TAF3: variants seen among roughly 807,000 people sequenced by gnomAD.
TAF3 encodes transcription initiation factor TFIID subunit 3.
Under a neutral mutation model 80.6 loss-of-function variants are expected in TAF3, and 7 were observed. The ratio of observed to expected loss-of-function variants is 0.09; its 90% CI spans 0.05 to 0.16. The LOEUF is 0.16. Among genes scored for constraint, TAF3 ranks in the 10% least tolerant of loss-of-function variants. The pLI is 1.00. For missense variants in TAF3, 921 were observed against 1,140.2 expected (o/e 0.81, Z 2.77); for synonymous variants, 444 against 446.1 (o/e 1.00, Z 0.06).
At chr10:7,999,757 C>G (rs1831925380) in intron 4 of TAF3, among the ~76,000 whole-genome samples, 1 of 151,990 alleles carries the variant, frequency 6.6e-6, no homozygotes, top group Admixed American at 6.6e-5. Context: ...GTGCCCAGCC[C>G]AAATGTATTA....
chr10:8,009,110 C>G lies in TAF3; in HGVS notation c.2348C>G (p.Ala783Gly), dbSNP rs1355483061. ...VISKVVPAPE[A>G]KPAPSQNRPK... ...AGCAAGGTGGTCCCTGCCCCCGAGG[C>G]CAAGCCGGCGCCCTCGCAGAACAGG... The change falls in exon 5 of 7, where the codon GCC (alanine) becomes GGC (glycine). Residue 783 changes from alanine (A) to glycine (G), a missense_variant. This residue lies in a region of TAF3 where 743 missense variants were observed against 821.0 expected (regional missense o/e 0.90). Transcript: ENST00000344293. This position sits in a 1 kb window ranked among gnomAD's most constrained non-coding sequence, Gnocchi z 4.1. The G allele has an allele frequency of 1.9e-6, 3 of 1,601,604 alleles. No homozygotes were observed. The highest frequency in any genetic ancestry group is 2.6e-6 in the Non-Finnish European group (3 of 1,174,834).
At chr10:7,929,969 A>G (rs1837853378) in intron 2 of TAF3, among the ~76,000 whole-genome samples, 1 of 152,192 alleles carries the variant, frequency 6.6e-6, no homozygotes, top group South Asian at 2.1e-4. Context: ...TGGGAGGCCA[A>G]GGTGGAAGGA....
At chr10:7,931,973 G>A (rs1837873196) in intron 2 of TAF3, among the ~76,000 whole-genome samples, 1 of 152,098 alleles carries the variant, frequency 6.6e-6, no homozygotes, top group African/African-American at 2.4e-5. Context: ...CTAGAGATAC[G>A]CAACCAGAAT....
At chr10:7,936,618 C>T (rs1219420565) in intron 2 of TAF3, among the ~76,000 whole-genome samples, 2 of 152,064 alleles carry the variant, frequency 1.3e-5, no homozygotes, top group East Asian at 1.9e-4. Context: ...ACAGCCTCCC[C>T]CACTATCAAC....
chr10:7,918,483 A>C (rs1211810803), intron 2 of TAF3, among the ~76,000 whole-genome samples: 3 of 152,122 alleles, frequency 2.0e-5, no homozygotes, highest in Non-Finnish European at 2.9e-5. Flanking sequence ...AGAGACTGTG[A>C]GCTAGTTCAA....
At position 8,014,784 on chromosome 10, in the gene TAF3, GCC is replaced by G. The variant is rs752973634; in HGVS notation, c.*35_*36del. 1.3e-6 allele frequency: 2 copies of G among 1,542,738 alleles called. No individual in the cohort carries two copies. Among genetic ancestry groups the G allele is most frequent in the Non-Finnish European group, 1.8e-6 (2 of 1,142,510 alleles). On this transcript the variant is annotated 3_prime_UTR_variant, in exon 7 of 7. Coordinates refer to ENST00000344293, the MANE Select transcript of TAF3 (RefSeq NM_031923.4). The stretch of plus-strand genomic sequence containing the variant: ...CGAGGGGCTGGACCAAGCGGGGTCA[GCC>G]CGGGCTTCTTCCCTGGCGCCTCTGG...
intron 2 of TAF3, among the ~76,000 whole-genome samples, chr10:7,825,485 C>T (rs1274460903): frequency 1.3e-5 from 2 of 152,200 alleles, no homozygotes; most frequent in Non-Finnish European, 2.9e-5. Context: ...TTAAACATAA[C>T]TCCCCATTCT....
intron 2 of TAF3, among the ~76,000 whole-genome samples, chr10:7,957,794 G>GCTCTCT (rs376837630): frequency 0.066 from 8,600 of 130,448 alleles, 347 homozygotes; most frequent in East Asian, 0.17. Context: ...TCTCTAGCGC[G>GCTCTCT]CTCTCTCTCT....
At chr10:7,935,335 T>C (rs542754455) in intron 2 of TAF3, among the ~76,000 whole-genome samples, 199 of 152,106 alleles carry the variant, frequency 1.3e-3, no homozygotes, top group South Asian at 3.3e-3. Flanking sequence ...CGGTGGCTTA[T>C]GCCTGTAATC....
At chr10:7,912,184 A>T (rs1044705737) in intron 2 of TAF3, among the ~76,000 whole-genome samples, 11 of 152,250 alleles carry the variant, frequency 7.2e-5, no homozygotes, top group African/African-American at 2.4e-5. Context: ...GTTACAATAA[A>T]ATATGAAGTT....
At chr10:7,824,581 C>A in intron 2 of TAF3, 21 bp downstream of exon 2, 1 of 1,609,712 alleles carries the variant, frequency 6.2e-7, no homozygotes, top group South Asian at 1.1e-5. Flanking sequence ...GTTTCTTCTT[C>A]ATATGTTAGT....
intron 3 of TAF3, among the ~76,000 whole-genome samples, chr10:7,966,596 A>G (rs1289306314): frequency 6.6e-6 from 1 of 152,160 alleles, no homozygotes; most frequent in Non-Finnish European, 1.5e-5. Context: ...GTATCTCTTC[A>G]TAGTGCCACC....
intron 2 of TAF3, among the ~76,000 whole-genome samples, chr10:7,876,336 G>A (rs1837311758): frequency 6.6e-6 from 1 of 152,076 alleles, no homozygotes; most frequent in South Asian, 2.1e-4. Context: ...AGAGGTCCTC[G>A]TATTTCAGAC....
intron 2 of TAF3, among the ~76,000 whole-genome samples, chr10:7,896,994 C>A (rs1224933269): frequency 6.6e-6 from 1 of 152,194 alleles, no homozygotes; most frequent in African/African-American, 2.4e-5. Flanking sequence ...GTTGTGCTCA[C>A]CTTTCAGAGG....
intron 4 of TAF3, among the ~76,000 whole-genome samples, chr10:8,001,993 G>T (rs946808508): frequency 5.9e-5 from 9 of 152,074 alleles, no homozygotes; most frequent in Non-Finnish European, 1.3e-4. Flanking sequence ...GTTTTCTAAG[G>T]CCCCATCCGT....
chr10:7,877,113 T>G (rs760902631), intron 2 of TAF3, among the ~76,000 whole-genome samples: 3 of 152,154 alleles, frequency 2.0e-5, no homozygotes, highest in Non-Finnish European at 2.9e-5. Flanking sequence ...TTTAAAATAC[T>G]TTTTACTTTA....
rs542651159 is a variant in TAF3, at chr10:7,914,058, C to T, written c.410-49862C>T. On this transcript the variant is annotated intron_variant, in intron 2 of 6. Transcript: ENST00000344293. ...TGCAATGTGGTCCTCTTTTAGATACCGATTCAAAGAAACTGACTTTAAAAA... is the reference window on the plus strand; with the variant it reads ...TGCAATGTGGTCCTCTTTTAGATACTGATTCAAAGAAACTGACTTTAAAAA... Among the ~76,000 whole-genome samples the T allele has an allele frequency of 2.6e-5, 4 of 151,944 alleles. No homozygotes were observed. The East Asian group carries it at 5.8e-4, about 22-fold the overall frequency.
intron 2 of TAF3, among the ~76,000 whole-genome samples, chr10:7,929,587 C>A (rs148111564): frequency 1.4e-3 from 219 of 152,056 alleles, no homozygotes; most frequent in African/African-American, 4.1e-3. Flanking sequence ...TATAGACAAA[C>A]TCCTGGACTC....
intron 2 of TAF3, among the ~76,000 whole-genome samples, chr10:7,942,386 C>A (rs555531052): frequency 6.6e-5 from 10 of 152,248 alleles, no homozygotes; most frequent in African/African-American, 2.4e-4. Flanking sequence ...TCTGGTAGTT[C>A]AGGTTTTTTT....
Sources: allele counts gnomAD v4.1 joint callset (sites outside exome capture counted in the v4.1 genomes callset), GRCh38; gene constraint gnomAD v4.1.1; regional missense constraint gnomAD v4.1.1; non-coding constraint Gnocchi (gnomAD v3.1); transcripts MANE v1.5; gene names NCBI Gene and HGNC (gene_info 2026-07-23, HGNC 2026-07-21).